The following TOX variants were observed in gnomAD, a reference collection of about 807,000 sequenced individuals.
The protein encoded by TOX is thymocyte selection-associated high mobility group box protein TOX.
Under a neutral mutation model 53.7 loss-of-function variants are expected in TOX, and 11 were observed. The ratio of observed to expected loss-of-function variants is 0.20; its 90% CI spans 0.13 to 0.34. TOX has a LOEUF of 0.34. TOX is among the 10% of genes least tolerant of loss of function. TOX has a pLI of 1.00. For synonymous variants in TOX, 225 were observed against 245.3 expected (o/e 0.92, Z 0.77); for missense variants, 570 against 664.6 (o/e 0.86, Z 1.56).
intron 1 of TOX, among the ~76,000 whole-genome samples, chr8:58,966,914 G>A (rs564589337): frequency 1.8e-4 from 25 of 135,686 alleles, no homozygotes; most frequent in African/African-American, 4.2e-4. Context: ...TTGCTCTGTC[G>A]CCCAGGCTGG....
chr8:58,837,957 T>C (rs1240576024), intron 5 of TOX, 124 bp downstream of exon 5: 1 of 813,310 alleles, frequency 1.2e-6, no homozygotes, highest in Non-Finnish European at 1.9e-6. Context: ...CTGGTTCGGA[T>C]GGGGACACCT....
intron 3 of TOX, among the ~76,000 whole-genome samples, chr8:58,926,864 A>C (rs889216490): frequency 8.5e-6 from 1 of 118,118 alleles, no homozygotes; most frequent in African/African-American, 3.2e-5. Flanking sequence ...CTTGCAGAAG[A>C]CTGGTATAAT....
At chr8:58,852,274 A>G (rs1337695105) in intron 3 of TOX, among the ~76,000 whole-genome samples, 1 of 152,202 alleles carries the variant, frequency 6.6e-6, no homozygotes, top group Non-Finnish European at 1.5e-5. Context: ...TCATTTAAGA[A>G]AGGCTTTGGG....
chr8:58,816,798 CCTT>C (rs1286208735), intron 6 of TOX, among the ~76,000 whole-genome samples: 1 of 152,152 alleles, frequency 6.6e-6, no homozygotes, highest in Admixed American at 6.5e-5. Context: ...CTCTCGGGGT[CCTT>C]CTGCTCAATG....
At chr8:58,844,923 T>G (rs1810699248) in intron 4 of TOX, among the ~76,000 whole-genome samples, 1 of 152,148 alleles carries the variant, frequency 6.6e-6, no homozygotes, top group Admixed American at 6.6e-5. Context: ...CCTGAAGGCT[T>G]CTGGTAATTC....
intron 1 of TOX, among the ~76,000 whole-genome samples, chr8:59,104,002 C>T (rs1286124963): frequency 6.6e-6 from 1 of 152,160 alleles, no homozygotes; most frequent in Non-Finnish European, 1.5e-5. Flanking sequence ...TAGATTTTAA[C>T]ATAACTCCAA....
chr8:59,062,828 A>G (rs1455732456), intron 1 of TOX, among the ~76,000 whole-genome samples: 1 of 152,136 alleles, frequency 6.6e-6, no homozygotes, highest in East Asian at 1.9e-4. Context: ...GAGAGAAAGA[A>G]AGTTAAAATT....
chr8:59,022,436 C>T (rs1814154458), intron 1 of TOX, among the ~76,000 whole-genome samples: 1 of 152,116 alleles, frequency 6.6e-6, no homozygotes, highest in Non-Finnish European at 1.5e-5. Flanking sequence ...ACCCCATTTA[C>T]AAATGAAGAA....
chr8:58,830,986 G>T (rs1810444878), intron 5 of TOX, among the ~76,000 whole-genome samples: 1 of 152,122 alleles, frequency 6.6e-6, no homozygotes, highest in African/African-American at 2.4e-5. Context: ...ATTTTATATA[G>T]AACTTAGTCC....
At chr8:58,918,833 A>G (rs1169945033) in intron 3 of TOX, among the ~76,000 whole-genome samples, 26 of 145,156 alleles carry the variant, frequency 1.8e-4, no homozygotes, top group African/African-American at 6.2e-4. Flanking sequence ...AATCTCCTTA[A>G]GCTGATAAGC....
Position 59,039,054 on chromosome 8 carries a change from C to T in TOX, c.103-79046G>A, listed in dbSNP as rs373168789. ...CTTCATCTACCAAATGACAGTTGGG[C>T]TAAATGACCTCTGACCTCCCTACCC... On this transcript the variant is annotated intron_variant, in intron 1 of 8. Coordinates refer to ENST00000361421, the MANE Select transcript of TOX (RefSeq NM_014729.3). Among the ~76,000 whole-genome samples, 77 of 152,338 alleles carry T rather than the reference C, an allele frequency of 5.1e-4. 1 individual carries two copies. The South Asian group carries it at 0.015, about 30-fold the overall frequency.
chr8:59,059,400 A>G (rs1003156264), intron 1 of TOX, among the ~76,000 whole-genome samples: 1 of 152,222 alleles, frequency 6.6e-6, no homozygotes, highest in African/African-American at 2.4e-5. Context: ...GGTAAAAAGA[A>G]GAAATATTTT....
intron 3 of TOX, among the ~76,000 whole-genome samples, chr8:58,877,624 G>C (rs529940652): frequency 6.6e-6 from 1 of 152,280 alleles, no homozygotes; most frequent in East Asian, 1.9e-4. Flanking sequence ...AAAGATATAT[G>C]TAATCAGGGA....
chr8:58,904,312 T>G (rs775120575), intron 3 of TOX, among the ~76,000 whole-genome samples: 5 of 152,136 alleles, frequency 3.3e-5, no homozygotes, highest in Non-Finnish European at 5.9e-5. Context: ...TATTTTTTTT[T>G]TTGTTCGTTT....
chr8:59,041,741 A>T (rs1379771051), intron 1 of TOX, among the ~76,000 whole-genome samples: 1 of 152,206 alleles, frequency 6.6e-6, no homozygotes, highest in Admixed American at 6.5e-5. Context: ...AAGGTCTTGA[A>T]TTCTTGTCTT....
intron 1 of TOX, among the ~76,000 whole-genome samples, chr8:59,069,159 G>A (rs928263750): frequency 6.6e-6 from 1 of 152,140 alleles, no homozygotes; most frequent in African/African-American, 2.4e-5. Flanking sequence ...AAATGAGGAG[G>A]GCTGACCTAT....
rs148244142 is a variant in TOX, at chr8:58,814,381, T to C, written c.1392+957A>G. On this transcript the variant is annotated intron_variant, in intron 7 of 8. Coordinates refer to ENST00000361421, the MANE Select transcript of TOX (RefSeq NM_014729.3). ...TTTAATGTGATTTGTAGTTTTTACT[T>C]TTATTTATTTTTTTAAAAAATTATA... 275 of 152,168 alleles carry C rather than the reference T, an allele frequency of 1.8e-3. 2 individuals are homozygous for C. The highest frequency in any genetic ancestry group is 6.1e-3 in the African/African-American group (252 of 41,544). The allele number at this position is 152,168 out of a possible 1,614,324, so 9.4% of individuals were successfully genotyped here. A position where few individuals can be genotyped will look rare whatever the true frequency, so the allele number is the denominator to read the frequency against.
intron 1 of TOX, among the ~76,000 whole-genome samples, chr8:59,063,654 C>T (rs1436908518): frequency 2.0e-5 from 3 of 152,016 alleles, no homozygotes; most frequent in African/African-American, 4.8e-5. Flanking sequence ...GATCTCCAGA[C>T]CTCGTGATCC....
At chr8:58,886,690 C>T in intron 3 of TOX, among the ~76,000 whole-genome samples, 1 of 151,976 alleles carries the variant, frequency 6.6e-6, no homozygotes, top group East Asian at 1.9e-4. Context: ...ATTTGAATTA[C>T]CCTATTGTTT....
Sources: allele counts gnomAD v4.1 joint callset (sites outside exome capture counted in the v4.1 genomes callset), GRCh38; gene constraint gnomAD v4.1.1; transcripts MANE v1.5; gene names NCBI Gene and HGNC (gene_info 2026-07-23, HGNC 2026-07-21).